UGDH: variants seen among roughly 807,000 people sequenced by gnomAD.
The protein encoded by UGDH is UDP-Glc dehydrogenase.
UGDH carries 38 observed loss-of-function variants against 50.6 expected under a neutral mutation model. That is an observed-to-expected ratio of 0.75 (90% CI 0.58 to 0.98). UGDH has a LOEUF of 0.98. Ranked by LOEUF, UGDH falls within the 50% of genes least tolerant of loss-of-function variation. The probability of loss-of-function intolerance (pLI) is 0.00; values close to 1 mark genes in which losing one functional copy is unlikely to be tolerated. For synonymous variants in UGDH, 168 were observed against 199.9 expected (o/e 0.84, Z 1.35); for missense variants, 465 against 606.2 (o/e 0.77, Z 2.45).
At chr4:39,519,706 T>C (rs1319366952) in intron 2 of UGDH, among the ~76,000 whole-genome samples, 1 of 151,666 alleles carries the variant, frequency 6.6e-6, no homozygotes, top group African/African-American at 2.4e-5. Flanking sequence ...ACCCGGCTAA[T>C]TTTTTGTATT....
At chr4:39,521,863 A>G (rs1252160331) in intron 1 of UGDH, among the ~76,000 whole-genome samples, 1 of 152,250 alleles carries the variant, frequency 6.6e-6, no homozygotes, top group South Asian at 2.1e-4. Flanking sequence ...GACAACTTTG[A>G]TTGCTGAGAG....
At position 39,499,892 on chromosome 4, in the gene UGDH, C is replaced by T. The variant is rs139160141; in HGVS notation, c.*251G>A. The T allele has an allele frequency of 0.037, 9,984 of 272,276 alleles. 264 individuals are homozygous for T. The highest frequency in any genetic ancestry group is 0.11 in the East Asian group (1,740 of 15,140). The allele number at this position is 272,276 out of a possible 1,614,324, so 16.9% of individuals were successfully genotyped here. A position where few individuals can be genotyped will look rare whatever the true frequency, so the allele number is the denominator to read the frequency against. ...AAAAATACAAAAAATTAGCCAGGCA[C>T]TGTGGCGGGTGCCTGTAGTCCCAGC... On this transcript the variant is annotated 3_prime_UTR_variant, in exon 12 of 12. Coordinates refer to ENST00000316423, the MANE Select transcript of UGDH (RefSeq NM_003359.4).
chr4:39,523,698 G>A (rs1478295925), intron 1 of UGDH, among the ~76,000 whole-genome samples: 1 of 151,930 alleles, frequency 6.6e-6, no homozygotes, highest in Non-Finnish European at 1.5e-5. Context: ...CAGCTACTTG[G>A]GAGGCTGAGG....
At chr4:39,520,234 G>A (rs1449533137) in intron 2 of UGDH, among the ~76,000 whole-genome samples, 1 of 152,134 alleles carries the variant, frequency 6.6e-6, no homozygotes. Context: ...AGCTACTAAC[G>A]AGATTGAGGC....
intron 2 of UGDH, among the ~76,000 whole-genome samples, chr4:39,518,404 A>G (rs1039143435): frequency 1.3e-5 from 2 of 152,062 alleles, no homozygotes; most frequent in Non-Finnish European, 2.9e-5. Context: ...GCTGGAGTGC[A>G]GTGGCGCCAA....
At chr4:39,508,787 TAA>T in intron 6 of UGDH, 127 bp from the exon 7 acceptor site, 2 of 745,790 alleles carry the variant, frequency 2.7e-6, no homozygotes, top group Non-Finnish European at 4.1e-6. Context: ...TTCAGATGGA[TAA>T]ATAATGGGCT....
intron 9 of UGDH, 82 bp from the exon 10 acceptor site, chr4:39,504,590 G>T (rs1055867554): frequency 8.1e-7 from 1 of 1,229,578 alleles, no homozygotes; most frequent in Non-Finnish European, 1.2e-6. Context: ...TATCTGCAGG[G>T]ATACATTCCA....
chr4:39,514,331 T>C, intron 2 of UGDH, 147 bp from the exon 3 acceptor site: 1 of 665,530 alleles, frequency 1.5e-6, no homozygotes, highest in East Asian at 3.0e-5. Flanking sequence ...TGTAGACAAG[T>C]TAAGGATCAT....
In UGDH at chr4:39,500,342, T is replaced by C. The variant is rs1049995900; in HGVS notation, c.1375-89A>G. The stretch of plus-strand genomic sequence containing the variant: ...TACTGAAATGGGAGCAGGGGGAATC[T>C]AGATTTTTTTCTTAGAAAAGGATTC... On this transcript the variant is annotated intron_variant, in intron 11 of 11. Transcript: ENST00000316423. 14 of 776,804 alleles carry C rather than the reference T, an allele frequency of 1.8e-5. No individual in the cohort carries two copies. In the African/African-American group the frequency reaches 2.1e-4, roughly 12 times the overall value. The allele number at this position is 776,804 out of a possible 1,614,324, so 48.1% of individuals were successfully genotyped here.
intron 2 of UGDH, among the ~76,000 whole-genome samples, chr4:39,519,853 A>C (rs1746579343): frequency 6.6e-6 from 1 of 152,004 alleles, no homozygotes; most frequent in African/African-American, 2.4e-5. Flanking sequence ...TTCAATCCTA[A>C]ATCTGATTCA....
chr4:39,523,716 A>G (rs1746762691), intron 1 of UGDH, among the ~76,000 whole-genome samples: 1 of 151,908 alleles, frequency 6.6e-6, no homozygotes, highest in Admixed American at 6.6e-5. Flanking sequence ...AGGCAGGAGA[A>G]TCGCTTGAAC....
At chr4:39,512,710 T>C (rs907898792) in intron 3 of UGDH, among the ~76,000 whole-genome samples, 3 of 152,206 alleles carry the variant, frequency 2.0e-5, no homozygotes, top group Non-Finnish European at 2.9e-5. Context: ...TATTTTTTTA[T>C]GCCTCCACTC....
At chr4:39,504,090 C>T (rs1034566372) in intron 10 of UGDH, 105 bp from the exon 11 acceptor site, 103 of 885,690 alleles carry the variant, frequency 1.2e-4, no homozygotes, top group Admixed American at 6.4e-4. Flanking sequence ...GGGTGGATCA[C>T]GAGGTCAGGA....
chr4:39,510,704 C>A lies in UGDH; in HGVS notation c.422G>T (p.Arg141Leu), dbSNP rs769545929. The A allele has an allele frequency of 1.2e-6, 2 of 1,614,208 alleles. No homozygotes were observed. Among genetic ancestry groups the A allele is most frequent in the South Asian group, 1.1e-5 (1 of 91,088 alleles). Residue 141 changes from arginine (R) to leucine (L), a missense_variant, in exon 4 of 12, where the codon CGT becomes CTT. Physicochemically the swap from Arg to Leu is moderately radical, Grantham distance 102 (BLOSUM62 -2). Coordinates refer to ENST00000316423, the MANE Select transcript of UGDH (RefSeq NM_003359.4). ...TVPVRAAESIRRIFDANTKPN... is the reference protein window; with the variant it reads ...TVPVRAAESILRIFDANTKPN... The stretch of plus-strand genomic sequence containing the variant: ...TTTTGTGTTTGCATCAAATATGCGA[C>A]GGATACTTTCTGCTGCCCGCACTGG...
At chr4:39,514,315 T>TA (rs1267609364) in intron 2 of UGDH, 131 bp from the exon 3 acceptor site, 1 of 741,134 alleles carries the variant, frequency 1.3e-6, no homozygotes, top group African/African-American at 1.8e-5. Flanking sequence ...GTGCTCAAAT[T>TA]ACCTTTGTAG....
chr4:39,521,756 T>C (rs1022871904), intron 1 of UGDH, among the ~76,000 whole-genome samples: 15 of 152,208 alleles, frequency 9.9e-5, no homozygotes, highest in Non-Finnish European at 1.5e-4. Context: ...TTACAGTAAC[T>C]GATATTACTG....
intron 11 of UGDH, among the ~76,000 whole-genome samples, chr4:39,503,359 C>T (rs181587470): frequency 3.3e-5 from 5 of 152,280 alleles, no homozygotes; most frequent in Admixed American, 3.3e-4. Flanking sequence ...AGTTGACAAA[C>T]TTTGAATCAG....
intron 2 of UGDH, among the ~76,000 whole-genome samples, chr4:39,517,177 AT>A (rs948289436): frequency 5.4e-5 from 8 of 148,962 alleles, no homozygotes; most frequent in African/African-American, 7.4e-5. Context: ...CAAATTATCC[AT>A]TTTTTTTTAA....
intron 1 of UGDH, among the ~76,000 whole-genome samples, chr4:39,526,756 G>C (rs1333410181): frequency 6.6e-6 from 1 of 152,174 alleles, no homozygotes; most frequent in Non-Finnish European, 1.5e-5. Flanking sequence ...GCCAACAATG[G>C]ATTCCAGGAC....
Sources: allele counts gnomAD v4.1 joint callset (sites outside exome capture counted in the v4.1 genomes callset), GRCh38; gene constraint gnomAD v4.1.1; transcripts MANE v1.5; gene names NCBI Gene and HGNC (gene_info 2026-07-23, HGNC 2026-07-21).